Variants in ZNF365 observed in about 807,000 individuals in gnomAD.
ZNF365 encodes protein ZNF365.
A neutral mutation model predicts 35.0 loss-of-function variants in ZNF365; 22 were observed. The observed-to-expected ratio is 0.63, with a 90% CI of 0.45 to 0.90. The LOEUF is 0.90. ZNF365 is among the 40% of genes least tolerant of loss of function. The probability of loss-of-function intolerance (pLI) is 0.00; values close to 1 mark genes in which losing one functional copy is unlikely to be tolerated. For missense variants in ZNF365, 448 were observed against 500.3 expected (o/e 0.90, Z 1.00); for synonymous variants, 188 against 196.2 (o/e 0.96, Z 0.35).
chr10:62,403,052 C>T (rs1839855078), downstream of ZNF365, among the ~76,000 whole-genome samples: 1 of 152,226 alleles, frequency 6.6e-6, no homozygotes, highest in African/African-American at 2.4e-5. Context: ...ATTCAAAATA[C>T]ATGAGTAACT....
intron 3 of ZNF365, among the ~76,000 whole-genome samples, chr10:62,420,971 T>C (rs1215937489): frequency 7.2e-6 from 1 of 139,616 alleles, no homozygotes; most frequent in Non-Finnish European, 1.5e-5. Context: ...TTTGTAGAGA[T>C]GGTTTTTTTT....
chr10:62,466,759 A>T (rs1840950320), intron 4 of ZNF365, among the ~76,000 whole-genome samples: 3 of 149,790 alleles, frequency 2.0e-5, no homozygotes, highest in Admixed American at 2.0e-4. Flanking sequence ...AGCATTCAAC[A>T]GGTTACTTGA....
chr10:62,472,954 C>G (rs1841067470), intron 4 of ZNF365, among the ~76,000 whole-genome samples: 1 of 152,150 alleles, frequency 6.6e-6, no homozygotes, highest in Non-Finnish European at 1.5e-5. Context: ...TCTACCCCAC[C>G]CCTCCAAGCT....
chr10:62,453,725 T>C (rs77228633), intron 3 of ZNF365, among the ~76,000 whole-genome samples: 11,356 of 152,280 alleles, frequency 0.075, 466 homozygotes, highest in African/African-American at 0.092. Flanking sequence ...GACAAAGAAA[T>C]TCTACTTCTA....
chr10:62,415,447 T>C (rs1003307652), intron 3 of ZNF365, among the ~76,000 whole-genome samples: 2 of 152,122 alleles, frequency 1.3e-5, no homozygotes, highest in Non-Finnish European at 2.9e-5. Flanking sequence ...TATTGTTTCT[T>C]AGGGTTTTCA....
rs369039750 is a variant in ZNF365, at chr10:62,399,511, C to A, written c.963-17C>A. On this transcript the variant is annotated splice_polypyrimidine_tract_variant and intron_variant, in intron 4 of 4. Transcript: ENST00000395254. ...TCTGCTCATCTCTTCTCCACTCCCC[C>A]CTCCAACCCTCTGTAGAAGCCGAGG... is the stretch of plus-strand genomic sequence containing the variant. 1.9e-5 allele frequency: 30 copies of A among 1,610,938 alleles called. No individual in the cohort carries two copies. The highest frequency in any genetic ancestry group is 8.9e-5 in the East Asian group (4 of 44,856).
intron 3 of ZNF365, among the ~76,000 whole-genome samples, chr10:62,445,738 A>G (rs1048272137): frequency 6.6e-6 from 1 of 152,218 alleles, no homozygotes; most frequent in Non-Finnish European, 1.5e-5. Flanking sequence ...TTTTCGCTAC[A>G]AAAAAGAATC....
At chr10:62,433,884 G>A (rs1364912322) in intron 3 of ZNF365, among the ~76,000 whole-genome samples, 1 of 152,168 alleles carries the variant, frequency 6.6e-6, no homozygotes, top group Non-Finnish European at 1.5e-5. Context: ...TTAGTGGGAT[G>A]GAGATTTAGT....
chr10:62,443,905 C>T (rs1840542431), intron 3 of ZNF365, among the ~76,000 whole-genome samples: 1 of 152,174 alleles, frequency 6.6e-6, no homozygotes, highest in African/African-American at 2.4e-5. Context: ...CTTAAATATG[C>T]AATGATTACA....
At chr10:62,476,050 CAT>C (rs1841125129) in intron 4 of ZNF365, among the ~76,000 whole-genome samples, 1 of 146,398 alleles carries the variant, frequency 6.8e-6, no homozygotes, top group African/African-American at 2.5e-5. Context: ...TTATTAGAGA[CAT>C]ATTAAAAAAC....
intron 3 of ZNF365, among the ~76,000 whole-genome samples, chr10:62,420,303 G>A (rs1840146313): frequency 6.6e-6 from 1 of 152,290 alleles, no homozygotes; most frequent in Admixed American, 6.5e-5. Context: ...GTTAGAACAT[G>A]CTTGTAAAAA....
intron 4 of ZNF365, 120 bp from the exon 5 acceptor site, chr10:62,399,408 C>T (rs988731925): frequency 2.8e-6 from 4 of 1,407,526 alleles, no homozygotes; most frequent in African/African-American, 1.4e-5. Context: ...TTTGTGGTAG[C>T]ATTATCACCA....
intron 3 of ZNF365, among the ~76,000 whole-genome samples, chr10:62,458,566 T>A (rs11814836): frequency 0.037 from 5,686 of 152,230 alleles, 171 homozygotes; most frequent in East Asian, 0.19. Flanking sequence ...GTGTTTTTTT[T>A]AAAACAACAT....
chr10:62,469,949 A>G (rs1193687614), intron 4 of ZNF365, among the ~76,000 whole-genome samples: 2 of 152,232 alleles, frequency 1.3e-5, no homozygotes, highest in African/African-American at 4.8e-5. Flanking sequence ...CCTTCTCAAG[A>G]CATTAAATAT....
chr10:62,432,063 A>T (rs563475248), intron 3 of ZNF365, among the ~76,000 whole-genome samples: 4 of 152,222 alleles, frequency 2.6e-5, no homozygotes, highest in African/African-American at 9.6e-5. Context: ...AAAGTGTTGG[A>T]AGATGTTTAA....
In ZNF365 at chr10:62,376,286, T is replaced by C. The variant is rs1421629569; in HGVS notation, c.93T>C (p.Cys31=). Residue 31 remains cysteine, a synonymous_variant, in exon 2 of 5, where the codon TGT becomes TGC. Transcript: ENST00000395254. ...GCCTGCCATTACGCTGCCCGAGGTG[T>C]GGAGACCATACCAGATTTAGAAGCT... The part of the protein sequence containing the change: ...AVCLPLRCPR[C]GDHTRFRSLS... The C allele has an allele frequency of 6.2e-7, 1 of 1,614,014 alleles. No individual in the cohort carries two copies. Among genetic ancestry groups the C allele is most frequent in the African/African-American group, 1.3e-5 (1 of 74,906 alleles).
intron 3 of ZNF365, among the ~76,000 whole-genome samples, chr10:62,421,882 T>A (rs1488955467): frequency 1.3e-5 from 2 of 152,220 alleles, no homozygotes. Context: ...GTGAACTCCT[T>A]GCTGGATCTA....
At chr10:62,452,855 A>G (rs1361003541) in intron 3 of ZNF365, among the ~76,000 whole-genome samples, 1 of 152,266 alleles carries the variant, frequency 6.6e-6, no homozygotes, top group Non-Finnish European at 1.5e-5. Flanking sequence ...CTATGGTCAC[A>G]GAAGGACTGG....
rs1839831162 is a variant in ZNF365 at position 62,401,636 on chromosome 10, T to A, written c.*1847T>A. The A allele has an allele frequency of 1.0e-6, 1 of 984,932 alleles. No individual in the cohort carries two copies. The highest frequency in any genetic ancestry group is 1.1e-4 in the East Asian group (1 of 8,962). 61.0% of individuals were successfully genotyped at this position (984,932 alleles called of 1,614,324 possible). ...GAATTAACTTCCCCCTCTAAAGTTA[T>A]TTATTATTGATGCTTATACCATGAT... is the stretch of plus-strand genomic sequence containing the variant. On this transcript the variant is annotated 3_prime_UTR_variant, in exon 5 of 5. Transcript: ENST00000395254.
Sources: gnomAD v4.1 joint callset for allele counts (sites outside exome capture counted in the v4.1 genomes callset) on GRCh38, gnomAD v4.1.1 for gene constraint, MANE v1.5 for transcripts, NCBI Gene and HGNC (gene_info 2026-07-23, HGNC 2026-07-21) for gene names.